The following UXS1 variants were observed in gnomAD, a reference collection of about 807,000 sequenced individuals.
The protein encoded by UXS1 is UDP-glucuronic acid decarboxylase 1.
UXS1 carries 33 observed loss-of-function variants against 62.6 expected under a neutral mutation model. That is an observed-to-expected ratio of 0.53 (90% confidence interval 0.40 to 0.70). The LOEUF (loss-of-function observed/expected upper bound fraction) is 0.70. Ranked by LOEUF, UXS1 falls within the 30% of genes least tolerant of loss-of-function variation. The pLI, the probability that UXS1 is intolerant of heterozygous loss-of-function variation, is 0.00. For synonymous variants in UXS1, 213 were observed against 206.8 expected (o/e 1.03, Z -0.26); for missense variants, 434 against 556.3 (o/e 0.78, Z 2.21).
At chr2:106,119,277 C>A (rs558190203) in intron 9 of UXS1, among the ~76,000 whole-genome samples, 1 of 152,186 alleles carries the variant, frequency 6.6e-6, no homozygotes, top group Non-Finnish European at 1.5e-5. Flanking sequence ...ACTCACGCTT[C>A]TTTACCTGCT....
chr2:106,184,535 G>C (rs1002616150), intron 1 of UXS1, among the ~76,000 whole-genome samples: 7 of 152,226 alleles, frequency 4.6e-5, no homozygotes, highest in Admixed American at 3.9e-4. Context: ...TGAAGGTTGG[G>C]AAGTGCAAGA....
At chr2:106,179,980 G>A (rs974862922) in intron 1 of UXS1, among the ~76,000 whole-genome samples, 15 of 152,144 alleles carry the variant, frequency 9.9e-5, no homozygotes, top group African/African-American at 3.4e-4. Flanking sequence ...ATGGTGGTGT[G>A]CACCTGTAAT....
Position 106,116,523 on chromosome 2 carries a change from T to C in UXS1, c.760-3758A>G, listed in dbSNP as rs532354334. On this transcript the variant is annotated intron_variant, in intron 9 of 14. Transcript: ENST00000283148. ...AGGGCTCTTCCATGCAAGATGATGCTGCCTGTCCAGATAAGCCCAGGACCC... is the reference window on the plus strand; with the variant it reads ...AGGGCTCTTCCATGCAAGATGATGCCGCCTGTCCAGATAAGCCCAGGACCC... Among the ~76,000 whole-genome samples, 15 of 152,356 alleles carry C rather than the reference T, an allele frequency of 9.8e-5. No individual in the cohort carries two copies. In the East Asian group the frequency reaches 2.5e-3, roughly 25 times the overall value.
chr2:106,112,894 C>A, intron 9 of UXS1, 129 bp from the exon 10 acceptor site: 1 of 1,394,440 alleles, frequency 7.2e-7, no homozygotes, highest in African/African-American at 1.4e-5. Context: ...ATGGAAATGG[C>A]TTTTTTGTTC....
intron 6 of UXS1, among the ~76,000 whole-genome samples, chr2:106,139,566 C>T (rs1159386185): frequency 6.6e-6 from 1 of 152,206 alleles, no homozygotes; most frequent in East Asian, 1.9e-4. Context: ...AGGAGAACAA[C>T]TCGGGATAAC....
intron 1 of UXS1, among the ~76,000 whole-genome samples, chr2:106,171,478 A>G (rs1212092879): frequency 1.3e-5 from 2 of 152,252 alleles, no homozygotes; most frequent in Non-Finnish European, 2.9e-5. Context: ...GTGTGTTCAC[A>G]GGTCTCAAGG....
chr2:106,124,303 G>A (rs1047460645), intron 8 of UXS1, among the ~76,000 whole-genome samples: 1 of 152,148 alleles, frequency 6.6e-6, no homozygotes, highest in Non-Finnish European at 1.5e-5. Context: ...GGCTGGGTAC[G>A]CCCATCTGTC....
intron 4 of UXS1, chr2:106,159,393 G>T (rs1296969467): frequency 1.3e-5 from 2 of 152,156 alleles, no homozygotes; most frequent in Admixed American, 1.3e-4. Context: ...CTGGTAAAAC[G>T]ACTGAGCATC....
At chr2:106,157,933 G>A (rs900453895) in intron 5 of UXS1, 125 bp downstream of exon 5, 22 of 836,740 alleles carry the variant, frequency 2.6e-5, no homozygotes, top group Non-Finnish European at 3.7e-5. Flanking sequence ...CTAACTCTGT[G>A]GACATACTAT....
rs374325685 is a variant in UXS1 at position 106,125,698 on chromosome 2, T to C, written c.578-19A>G. 184 of 1,554,738 alleles carry C rather than the reference T, an allele frequency of 1.2e-4. 1 individual carries two copies. The African/African-American group carries it at 2.2e-3, about 18-fold the overall frequency. ...GCCAGCCCTACAGAAAGCAATGACA[T>C]GATAAAAGAGACTGAATTTACATGT... On this transcript the variant is annotated intron_variant, in intron 7 of 14. Transcript: ENST00000283148.
chr2:106,144,555 A>G (rs79929120), intron 6 of UXS1, among the ~76,000 whole-genome samples: 133 of 152,362 alleles, frequency 8.7e-4, no homozygotes, highest in Admixed American at 1.7e-3. Flanking sequence ...ATGGACTAAC[A>G]AAACCATTGG....
In UXS1 at chr2:106,145,365, T is replaced by C. The variant is rs1478962077; in HGVS notation, c.297A>G (p.Thr99=). 2 of 1,612,676 alleles carry C rather than the reference T, an allele frequency of 1.2e-6. No individual in the cohort carries two copies. The highest frequency in any genetic ancestry group is 1.7e-5 in the Admixed American group (1 of 59,878). The change falls in exon 6 of 15, where the codon ACA becomes ACG. Residue 99 remains threonine (T), a synonymous_variant. Coordinates refer to ENST00000283148, the MANE Select transcript of UXS1 (RefSeq NM_001253875.2). The stretch of plus-strand genomic sequence containing the variant: ...GGGAGCCCACGAACCCTGCGCCTCC[T>C]GTTATCTGCATCCGGACAGCGTGTG... ...SEKDRKRILI[T]GGAGFVGSHL... is the part of the protein sequence containing the mutation.
At chr2:106,156,684 TATA>T (rs1266950769) in intron 5 of UXS1, among the ~76,000 whole-genome samples, 3 of 152,220 alleles carry the variant, frequency 2.0e-5, no homozygotes, top group Non-Finnish European at 4.4e-5. Context: ...TCTAGATAAT[TATA>T]ATACCTAATA....
chr2:106,168,525 T>C (rs1683349630), intron 1 of UXS1, among the ~76,000 whole-genome samples: 1 of 152,250 alleles, frequency 6.6e-6, no homozygotes, highest in Admixed American at 6.5e-5. Context: ...CCTTGAATTC[T>C]TTCTTGTGGA....
intron 1 of UXS1, among the ~76,000 whole-genome samples, chr2:106,174,058 G>A (rs1018032262): frequency 6.0e-5 from 9 of 148,780 alleles, no homozygotes; most frequent in South Asian, 2.2e-4. Context: ...ACTTACGGAC[G>A]GAGAAGGAGA....
At chr2:106,137,597 T>C (rs919082210) in intron 6 of UXS1, among the ~76,000 whole-genome samples, 6 of 151,578 alleles carry the variant, frequency 4.0e-5, no homozygotes, top group Non-Finnish European at 7.4e-5. Context: ...GAATCCAGCC[T>C]GGCCAACATG....
intron 9 of UXS1, among the ~76,000 whole-genome samples, chr2:106,121,281 G>A (rs1679495315): frequency 6.6e-6 from 1 of 151,942 alleles, no homozygotes; most frequent in Non-Finnish European, 1.5e-5. Flanking sequence ...CATAATTATC[G>A]CAAGCTTATA....
At chr2:106,167,481 T>C (rs192259644) in intron 1 of UXS1, among the ~76,000 whole-genome samples, 21 of 152,260 alleles carry the variant, frequency 1.4e-4, no homozygotes, top group Admixed American at 1.0e-3. Context: ...AGGAGTTTAA[T>C]AGCTACTCAT....
At chr2:106,192,489 G>A (rs765442715) in intron 1 of UXS1, among the ~76,000 whole-genome samples, 27 of 151,514 alleles carry the variant, frequency 1.8e-4, no homozygotes, top group Non-Finnish European at 3.5e-4. Flanking sequence ...GGGAGGTGGA[G>A]CGTGCAGTGA....
Sources: allele counts gnomAD v4.1 joint callset (sites outside exome capture counted in the v4.1 genomes callset), GRCh38; gene constraint gnomAD v4.1.1; transcripts MANE v1.5; gene names NCBI Gene and HGNC (gene_info 2026-07-23, HGNC 2026-07-21).